Variants in LAMA5 observed in about 807,000 individuals in gnomAD.
LAMA5 encodes the protein laminin subunit alpha 5.
A neutral mutation model predicts 433.4 loss-of-function variants in LAMA5; 260 were observed. That is an observed-to-expected ratio of 0.60 (90% CI 0.54 to 0.66). LAMA5 has a LOEUF of 0.66. Among genes scored for constraint, LAMA5 ranks in the 30% least tolerant of loss-of-function variants. The pLI, the probability that LAMA5 is intolerant of heterozygous loss-of-function variation, is 0.00. For synonymous variants in LAMA5, 2,620 were observed against 2,226.6 expected, an observed-to-expected ratio of 1.18 and a Z score of -4.97; for missense variants, 5,378 against 5,258.5, an observed-to-expected ratio of 1.02 and a Z score of -0.70.
At position 62,334,241 on chromosome 20, in the gene LAMA5, G is replaced by A. The variant is rs1981102727; in HGVS notation, c.2684C>T (p.Pro895Leu). ...CCAGCTGAAGTTCTCGAACTCGAGGGGGTTGAAGCCAAAGCGCACGGCGTG... is the reference window on the plus strand; with the variant it reads ...CCAGCTGAAGTTCTCGAACTCGAGGAGGTTGAAGCCAAAGCGCACGGCGTG... Reference protein sequence around the residue: ...EGHAVRFGFNPLEFENFSWRG... With the variant: ...EGHAVRFGFNLLEFENFSWRG... The change falls in exon 22 of 80, where the codon CCC becomes CTC. Residue 895 changes from proline (P) to leucine (L), a missense_variant. Physicochemically the swap from Pro to Leu is moderately conservative, Grantham distance 98 (BLOSUM62 -3). Transcript: ENST00000252999. The A allele has an allele frequency of 6.2e-7, 1 of 1,612,938 alleles. No homozygotes were observed. Among genetic ancestry groups the A allele is most frequent in the Non-Finnish European group, 8.5e-7 (1 of 1,179,882 alleles).
At chr20:62,318,347 A>AAGGAGGGGAGGACGAGGGGAG in intron 53 of LAMA5, 107 bp downstream of exon 53, 1 of 356,900 alleles carries the variant, frequency 2.8e-6, no homozygotes, top group Non-Finnish European at 4.9e-6. Context: ...GGGAGGACGG[A>AAGGAGGGGAGGACGAGGGGAG]GGGAGGGGAG....
rs1434470921 is a variant in LAMA5, at chr20:62,310,973, G to T, written c.10210C>A (p.Gln3404Lys). 12 of 1,611,400 alleles carry T rather than the reference G, an allele frequency of 7.4e-6. No homozygotes were observed. In the East Asian group the frequency reaches 2.7e-4, roughly 36 times the overall value. Reference sequence around the variant, plus strand: ...AGCCGAGTCCCGAGGCCTTCCATCTGTGCAACGAAGTGGCCATTGCTCAGG... The same window carrying T: ...AGCCGAGTCCCGAGGCCTTCCATCTTTGCAACGAAGTGGCCATTGCTCAGG... ...LFLSNGHFVA[Q>K]MEGLGTRLRA... Residue 3404 changes from glutamine to lysine, a missense_variant, in exon 74 of 80, where the codon CAG (glutamine) becomes AAG (lysine). Coordinates refer to ENST00000252999, the MANE Select transcript of LAMA5 (RefSeq NM_005560.6).
chr20:62,311,816 T>TTGC, intron 70 of LAMA5, 32 bp from the exon 71 acceptor site: 4 of 1,520,972 alleles, frequency 2.6e-6, no homozygotes, highest in Non-Finnish European at 3.6e-6. Context: ...GCTCGGTTTT[T>TTGC]CCCCACCCTG....
At chr20:62,310,385 C>T (rs755762223) in intron 76 of LAMA5, 34 bp downstream of exon 76, 21 of 1,574,988 alleles carry the variant, frequency 1.3e-5, no homozygotes, top group African/African-American at 6.8e-5. Flanking sequence ...CCTGCCCTGC[C>T]CTGCTGAGGC....
rs1467207232 is a variant in LAMA5 at position 62,315,180 on chromosome 20, G to C, written c.7895C>G (p.Ala2632Gly). 1 of 1,610,002 alleles carries C rather than the reference G, an allele frequency of 6.2e-7. No homozygotes were observed. The highest frequency in any genetic ancestry group is 2.2e-5 in the East Asian group (1 of 44,844). The stretch of plus-strand genomic sequence containing the variant: ...CTGGGCTTCAGCAGCCACAGCCTTG[G>C]CATGTGCGATCTTCTTGCTTGTCTC... ...TDETSKKIAH[A>G]KAVAAEAQDT... The change falls in exon 59 of 80, where the codon GCC becomes GGC. Residue 2632 changes from alanine (A) to glycine (G), a missense_variant. By Grantham distance (60) the Ala-to-Gly change is moderately conservative (BLOSUM62 0). Transcript: ENST00000252999.
chr20:62,317,297 C>A (rs1987044775), intron 55 of LAMA5, 48 bp downstream of exon 55: 26 of 1,526,580 alleles, frequency 1.7e-5, no homozygotes, highest in Non-Finnish European at 2.2e-5. Flanking sequence ...AAGGCCCTGT[C>A]TGCATCCCCA....
chr20:62,338,568 G>A lies in LAMA5; in HGVS notation c.1518C>T (p.Cys506=). 1 of 1,611,218 alleles carries A rather than the reference G, an allele frequency of 6.2e-7. No homozygotes were observed. The highest frequency in any genetic ancestry group is 8.5e-7 in the Non-Finnish European group (1 of 1,179,524). ...AGCGTCCCACCCTTGGGTCCTTCCG[G>A]CAGGCGTTGCCCTGGGTCCCTGCCG... ...CSAAGTQGNA[C]RKDPRVGRCL... The change falls in exon 12 of 80, where the codon TGC becomes TGT. Residue 506 remains cysteine (C), a synonymous_variant. Coordinates refer to ENST00000252999, the MANE Select transcript of LAMA5 (RefSeq NM_005560.6).
In LAMA5 at chr20:62,316,065, G is replaced by A. The variant is rs1986900248; in HGVS notation, c.7757-7C>T. 1 of 1,598,362 alleles carries A rather than the reference G, an allele frequency of 6.3e-7. No individual in the cohort carries two copies. Among genetic ancestry groups the A allele is most frequent in the Non-Finnish European group, 8.5e-7 (1 of 1,172,992 alleles). On this transcript the variant is annotated splice_polypyrimidine_tract_variant and splice_region_variant and intron_variant, in intron 57 of 79. Transcript: ENST00000252999. ...CCCTGGAGGGCAGCCCACACTGCGGGGGAGGCAGCTTCAGCTCCCAGGCAG... is the reference window on the plus strand; with the variant it reads ...CCCTGGAGGGCAGCCCACACTGCGGAGGAGGCAGCTTCAGCTCCCAGGCAG...
In LAMA5 at chr20:62,346,903, A is replaced by C. The variant is rs762882300; in HGVS notation, c.1072+10T>G. The C allele has an allele frequency of 6.2e-7, 1 of 1,609,990 alleles. No homozygotes were observed. Among genetic ancestry groups the C allele is most frequent in the South Asian group, 1.1e-5 (1 of 91,014 alleles). On this transcript the variant is annotated intron_variant, in intron 7 of 79. Transcript: ENST00000252999. ...GGGCAGGACACACGTGTGTGGGAGG[A>C]GGCACTCACACTGGCACTCGTTGGC...
At chr20:62,347,104 G>GACTGA in intron 6 of LAMA5, 76 bp from the exon 7 acceptor site, 3 of 1,140,980 alleles carry the variant, frequency 2.6e-6, no homozygotes, top group Non-Finnish European at 3.9e-6. Context: ...TCCCTGAAGG[G>GACTGA]GCCTGTGATC....
At chr20:62,328,105 C>A in intron 35 of LAMA5, 95 bp from the exon 36 acceptor site, 2 of 1,552,076 alleles carry the variant, frequency 1.3e-6, no homozygotes, top group Non-Finnish European at 1.7e-6. Flanking sequence ...AGCATCCTCC[C>A]AGAAGTGGAG....
chr20:62,328,260 T>C lies in LAMA5; in HGVS notation c.4633A>G (p.Thr1545Ala). 6.2e-7 allele frequency: 1 copy of C among 1,607,330 alleles called. No homozygotes were observed. The highest frequency in any genetic ancestry group is 8.5e-7 in the Non-Finnish European group (1 of 1,177,442). The change falls in exon 35 of 80, where the codon ACA (threonine) becomes GCA (alanine). Residue 1545 changes from threonine to alanine, a missense_variant. By Grantham distance (58) the Thr-to-Ala change is moderately conservative. Transcript: ENST00000252999. Reference protein sequence around the residue: ...IQELTDPTCDTDSGQCKCRPN... With the variant: ...IQELTDPTCDADSGQCKCRPN... ...TCTCACTTGCACTGGCCGCTGTCTG[T>C]GTCACAGGTAGGGTCTGTGAGCTCC... is the stretch of plus-strand genomic sequence containing the variant.
chr20:62,312,936 CT>C lies in LAMA5; in HGVS notation c.9029del (p.Lys3010ArgfsTer11), dbSNP rs755128516. ...LLYDFGAGLK[K>X]AVPLQPPPPL... Reference sequence around the variant, plus strand: ...GCGGTGGGGGCTGCAGTGGGACGGCCTTTTTCAGGCCAGCCCCAAAGTCATA... The same window carrying C: ...GCGGTGGGGGCTGCAGTGGGACGGCCTTTTCAGGCCAGCCCCAAAGTCATA... On this transcript the variant is annotated frameshift_variant, in exon 66 of 80. Coordinates refer to ENST00000252999, the MANE Select transcript of LAMA5 (RefSeq NM_005560.6). LOFTEE classifies it high-confidence loss of function. The C allele has an allele frequency of 5.1e-6, 8 of 1,580,836 alleles. No homozygotes were observed. Among genetic ancestry groups the C allele is most frequent in the South Asian group, 2.3e-5 (2 of 85,890 alleles).
In LAMA5 at chr20:62,350,472, G is replaced by A. The variant is rs973124732; in HGVS notation, c.956+1232C>T. 8.5e-5 allele frequency among the ~76,000 whole-genome samples: 13 copies of A among 152,288 alleles called. 1 individual carries two copies. The South Asian group carries it at 1.2e-3, about 15-fold the overall frequency. On this transcript the variant is annotated intron_variant, in intron 6 of 79. Coordinates refer to ENST00000252999, the MANE Select transcript of LAMA5 (RefSeq NM_005560.6). ...CTCCCGCCTCTGCTCGGCACTGGCC[G>A]TGAGAATGGGAGTGAACCTTTGTCC...
At position 62,316,739 on chromosome 20, in the gene LAMA5, T is replaced by C; in HGVS notation, c.7688A>G (p.Gln2563Arg). The change falls in exon 57 of 80, where the codon CAG (glutamine) becomes CGG (arginine). Residue 2563 changes from glutamine to arginine, a missense_variant. By Grantham distance (43) the Gln-to-Arg change is conservative. Coordinates refer to ENST00000252999, the MANE Select transcript of LAMA5 (RefSeq NM_005560.6). ...VVRQGLVDRA[Q>R]QLLANSTALE... ...TGCAGTGCTGTTGGCCAGGAGCTGC[T>C]GGGCTCGGTCCACCAGGCCCTGCCG... 1.2e-6 allele frequency: 2 copies of C among 1,609,064 alleles called. No homozygotes were observed. Among genetic ancestry groups the C allele is most frequent in the Non-Finnish European group, 1.7e-6 (2 of 1,177,944 alleles).
rs1414064743 is a variant in LAMA5, at chr20:62,318,967, AGCCGAGGCATTG to A, written c.6906_6917del (p.Asn2303_Ala2306del). The stretch of plus-strand genomic sequence containing the variant: ...TCCGGAGCAGCTGCTCACCTGATGG[AGCCGAGGCATTG>A]GCCAGCCCCAGGTGGCCCGTCTGGG... On this transcript the variant is annotated inframe_deletion, in exon 52 of 80. Transcript: ENST00000252999. The A allele has an allele frequency of 6.3e-7, 1 of 1,594,770 alleles. No homozygotes were observed. The highest frequency in any genetic ancestry group is 8.5e-7 in the Non-Finnish European group (1 of 1,172,992).
chr20:62,363,267 G>A (rs1447679467), intron 1 of LAMA5, among the ~76,000 whole-genome samples: 2 of 152,192 alleles, frequency 1.3e-5, no homozygotes, highest in Non-Finnish European at 2.9e-5. Flanking sequence ...AGGTGGGCCT[G>A]GGCCTCCTGG....
rs777682730 is a variant in LAMA5, at chr20:62,346,717, T to G, written c.1156A>C (p.Thr386Pro). The G allele has an allele frequency of 6.2e-7, 1 of 1,613,228 alleles. No homozygotes were observed. Among genetic ancestry groups the G allele is most frequent in the Non-Finnish European group, 8.5e-7 (1 of 1,179,878 alleles). The change falls in exon 8 of 80, where the codon ACC (threonine) becomes CCC (proline). Residue 386 changes from threonine to proline, a missense_variant. Thr to Pro is a conservative substitution (Grantham distance 38). Coordinates refer to ENST00000252999, the MANE Select transcript of LAMA5 (RefSeq NM_005560.6). Reference sequence around the variant, plus strand: ...ATACAGACACCCCCACCCTGATAGGTGCCATCCAGGCTCTGGCTGGCGCGG... The same window carrying G: ...ATACAGACACCCCCACCCTGATAGGGGCCATCCAGGCTCTGGCTGGCGCGG... ...RRRASQSLDG[T>P]YQGGGVCIDC...
intron 31 of LAMA5, 126 bp from the exon 32 acceptor site, chr20:62,330,042 A>C: frequency 7.4e-7 from 1 of 1,360,146 alleles, no homozygotes; most frequent in Non-Finnish European, 9.8e-7. Context: ...CAGGCACGGG[A>C]CGTGCCCAAG....
Sources: allele counts gnomAD v4.1 joint callset (sites outside exome capture counted in the v4.1 genomes callset), GRCh38; gene constraint gnomAD v4.1.1; transcripts MANE v1.5; gene names NCBI Gene and HGNC (gene_info 2026-07-23, HGNC 2026-07-21).